CTDSPL: variants seen among roughly 807,000 people sequenced by gnomAD.
CTDSPL encodes CTD small phosphatase-like protein.
In CTDSPL, 8 loss-of-function variants were observed where a neutral mutation model predicts 30.5. The ratio of observed to expected loss-of-function variants is 0.26; its 90% CI spans 0.15 to 0.47. The LOEUF is 0.47. Ranked by LOEUF, CTDSPL falls within the 20% of genes least tolerant of loss-of-function variation. The probability of loss-of-function intolerance (pLI) is 0.99; values close to 1 mark genes in which losing one functional copy is unlikely to be tolerated. For missense variants in CTDSPL, 248 were observed against 366.1 expected (o/e 0.68, Z 2.63); for synonymous variants, 110 against 137.9 (o/e 0.80, Z 1.42).
At chr3:37,967,584 T>C (rs1699312372) in intron 4 of CTDSPL, among the ~76,000 whole-genome samples, 1 of 152,248 alleles carries the variant, frequency 6.6e-6, no homozygotes, top group Admixed American at 6.5e-5. Context: ...CACTTTTTGG[T>C]TGAGGCCAGG....
rs147292073 is a variant in CTDSPL, at chr3:37,950,212, G to A, written c.234+3001G>A. On this transcript the variant is annotated intron_variant, in intron 2 of 7. Coordinates refer to ENST00000273179, the MANE Select transcript of CTDSPL (RefSeq NM_001008392.2). ...CCATGAAAACAGCACTCCTTGCTGG[G>A]CCTTGCAGTACTCCCTCATTTGCCA... Among the ~76,000 whole-genome samples, 183 of 152,238 alleles carry A rather than the reference G, an allele frequency of 1.2e-3. 1 individual carries two copies. The highest frequency in any genetic ancestry group is 3.6e-3 in the African/African-American group (150 of 41,526).
At position 37,984,292 on chromosome 3, in the gene CTDSPL, G is replaced by A. The variant is rs1356924431; in HGVS notation, c.*3425G>A. 4.4e-6 allele frequency: 2 copies of A among 456,888 alleles called. No individual in the cohort carries two copies. Among genetic ancestry groups the A allele is most frequent in the East Asian group, 6.9e-5 (1 of 14,404 alleles). 28.3% of individuals were successfully genotyped at this position (456,888 alleles called of 1,614,324 possible). A position where few individuals can be genotyped will look rare whatever the true frequency, so the allele number is the denominator to read the frequency against. ...CACACCCTCCCCCACCCCGGGTAGT[G>A]GAGATGCTGGTGTCTGGGTAGTCAT... On this transcript the variant is annotated 3_prime_UTR_variant, in exon 8 of 8. Transcript: ENST00000273179.
At chr3:37,908,723 T>G (rs1698545945) in intron 1 of CTDSPL, among the ~76,000 whole-genome samples, 1 of 152,250 alleles carries the variant, frequency 6.6e-6, no homozygotes, top group African/African-American at 2.4e-5. Context: ...TAAATTGCTT[T>G]CCAGAAGGAT....
chr3:37,870,861 A>G (rs1698063841), intron 1 of CTDSPL, among the ~76,000 whole-genome samples: 1 of 152,180 alleles, frequency 6.6e-6, no homozygotes, highest in Non-Finnish European at 1.5e-5. Context: ...GAATTTCCAT[A>G]TATTCCCTGA....
chr3:37,869,714 T>C (rs960074532), intron 1 of CTDSPL, among the ~76,000 whole-genome samples: 1 of 152,144 alleles, frequency 6.6e-6, no homozygotes, highest in African/African-American at 2.4e-5. Context: ...CCATTCAGTA[T>C]TTTATCATTA....
intron 1 of CTDSPL, among the ~76,000 whole-genome samples, chr3:37,886,712 C>T (rs754599380): frequency 8.5e-5 from 13 of 152,198 alleles, no homozygotes; most frequent in Non-Finnish European, 1.5e-4. Flanking sequence ...AAATTGCATT[C>T]ATAATACATC....
At chr3:37,873,732 G>A (rs1217927148) in intron 1 of CTDSPL, among the ~76,000 whole-genome samples, 1 of 152,188 alleles carries the variant, frequency 6.6e-6, no homozygotes. Flanking sequence ...TTATGCTAAT[G>A]ACTGATGTAA....
intron 1 of CTDSPL, chr3:37,911,963 G>A (rs1284941712): frequency 1.5e-5 from 4 of 261,868 alleles, no homozygotes; most frequent in Non-Finnish European, 2.3e-5. Context: ...TCGGGAGGCT[G>A]AGGCAGGAGA....
chr3:37,912,816 C>T (rs1045490228), intron 1 of CTDSPL, among the ~76,000 whole-genome samples: 1 of 152,244 alleles, frequency 6.6e-6, no homozygotes, highest in African/African-American at 2.4e-5. Flanking sequence ...ATCCTGTCTT[C>T]TCATCATCAT....
At chr3:37,952,373 T>G (rs1450511138) in intron 2 of CTDSPL, among the ~76,000 whole-genome samples, 1 of 152,238 alleles carries the variant, frequency 6.6e-6, no homozygotes, top group Non-Finnish European at 1.5e-5. Flanking sequence ...GAATCTGTTC[T>G]TCTGTCTTTC....
intron 4 of CTDSPL, among the ~76,000 whole-genome samples, chr3:37,966,253 T>C (rs1437531022): frequency 6.6e-6 from 1 of 152,246 alleles, no homozygotes; most frequent in African/African-American, 2.4e-5. Context: ...TCCCCTGGCC[T>C]GCCTACATTT....
intron 5 of CTDSPL, among the ~76,000 whole-genome samples, chr3:37,970,115 G>T (rs1488200752): frequency 6.6e-6 from 1 of 152,164 alleles, no homozygotes; most frequent in Non-Finnish European, 1.5e-5. Context: ...TGGGCACACA[G>T]CCTGGCTACT....
intron 1 of CTDSPL, among the ~76,000 whole-genome samples, chr3:37,916,299 T>C (rs1174512344): frequency 6.6e-6 from 1 of 152,252 alleles, no homozygotes; most frequent in African/African-American, 2.4e-5. Flanking sequence ...TAGTCCGAGC[T>C]AACATTATTT....
chr3:37,892,239 A>C (rs1326494949), intron 1 of CTDSPL, among the ~76,000 whole-genome samples: 1 of 152,148 alleles, frequency 6.6e-6, no homozygotes, highest in East Asian at 1.9e-4. Flanking sequence ...AGTTATTTAA[A>C]CTCTCTGTGC....
At chr3:37,864,235 C>G (rs1024752381) in intron 1 of CTDSPL, among the ~76,000 whole-genome samples, 1 of 152,188 alleles carries the variant, frequency 6.6e-6, no homozygotes, top group African/African-American at 2.4e-5. Flanking sequence ...TCCTGCTGCC[C>G]CCCACCTGAC....
intron 1 of CTDSPL, among the ~76,000 whole-genome samples, chr3:37,868,729 G>C (rs1698040301): frequency 6.6e-6 from 1 of 151,984 alleles, no homozygotes; most frequent in Non-Finnish European, 1.5e-5. Flanking sequence ...ATGTGGGTCT[G>C]TTTCTGGGTT....
intron 1 of CTDSPL, among the ~76,000 whole-genome samples, chr3:37,885,670 A>T (rs1021083582): frequency 6.6e-6 from 1 of 152,134 alleles, no homozygotes; most frequent in Admixed American, 6.5e-5. Flanking sequence ...AATGATCTGG[A>T]AACGAAGAAG....
intron 1 of CTDSPL, among the ~76,000 whole-genome samples, chr3:37,930,435 C>T (rs1289573599): frequency 6.6e-6 from 1 of 151,602 alleles, no homozygotes; most frequent in Non-Finnish European, 1.5e-5. Flanking sequence ...CTAATTTTTT[C>T]TTTTCCTTTT....
At chr3:37,953,391 C>T (rs1291543224) in intron 2 of CTDSPL, among the ~76,000 whole-genome samples, 2 of 152,182 alleles carry the variant, frequency 1.3e-5, no homozygotes, top group Non-Finnish European at 2.9e-5. Flanking sequence ...TGCCTTATTT[C>T]AACTTACATT....
Sources: gnomAD v4.1 joint callset for allele counts (sites outside exome capture counted in the v4.1 genomes callset) on GRCh38, gnomAD v4.1.1 for gene constraint, MANE v1.5 for transcripts, NCBI Gene and HGNC (gene_info 2026-07-23, HGNC 2026-07-21) for gene names.